Variants in NEDD9 observed in about 807,000 individuals in gnomAD.
NEDD9 encodes the protein enhancer of filamentation 1.
NEDD9 carries 26 observed loss-of-function variants against 76.6 expected under a neutral mutation model. The observed-to-expected ratio is 0.34, with a 90% confidence interval of 0.25 to 0.47. NEDD9 has a LOEUF of 0.47. NEDD9 is among the 20% of genes least tolerant of loss of function. NEDD9 has a pLI of 1.00. For missense variants in NEDD9, 937 were observed against 1,058.5 expected, an observed-to-expected ratio of 0.89 and a Z score of 1.59; for synonymous variants, 392 against 414.2, an observed-to-expected ratio of 0.95 and a Z score of 0.65.
chr6:11,187,938 T>C (rs1325070246), intron 6 of NEDD9, among the ~76,000 whole-genome samples: 1 of 152,236 alleles, frequency 6.6e-6, no homozygotes, highest in Non-Finnish European at 1.5e-5. Context: ...GTCTTGTTTC[T>C]TGAGACCAAA....
intron 2 of NEDD9, among the ~76,000 whole-genome samples, chr6:11,204,719 C>CAA (rs58621043): frequency 0.18 from 11,453 of 64,784 alleles, 1,190 homozygotes; most frequent in African/African-American, 0.23. Context: ...GGGTCCGTCT[C>CAA]AAAAAAAAAA....
At chr6:11,288,871 T>C (rs1760703814) in intron 3 of NEDD9, among the ~76,000 whole-genome samples, 2 of 152,238 alleles carry the variant, frequency 1.3e-5, no homozygotes, top group Admixed American at 1.3e-4. Flanking sequence ...CTCTTCTATT[T>C]TACAGACAGA....
intron 2 of NEDD9, among the ~76,000 whole-genome samples, chr6:11,325,443 G>T (rs1403878636): frequency 1.3e-5 from 2 of 151,982 alleles, no homozygotes; most frequent in Admixed American, 6.5e-5. Context: ...GTTCTGGTAA[G>T]AATGAAATAT....
chr6:11,330,260 A>G (rs1428578826), intron 2 of NEDD9, among the ~76,000 whole-genome samples: 2 of 151,900 alleles, frequency 1.3e-5, no homozygotes, highest in Non-Finnish European at 2.9e-5. Flanking sequence ...AAAGTTAGAC[A>G]CTCCTTCTTT....
intron 1 of NEDD9, among the ~76,000 whole-genome samples, chr6:11,360,762 A>T (rs1360343450): frequency 1.3e-5 from 2 of 152,124 alleles, no homozygotes; most frequent in Non-Finnish European, 2.9e-5. Context: ...TTTATAAATT[A>T]CCCAGTCTCA....
intron 1 of NEDD9, among the ~76,000 whole-genome samples, chr6:11,339,568 C>T (rs537180068): frequency 5.3e-5 from 8 of 152,206 alleles, no homozygotes; most frequent in Non-Finnish European, 1.2e-4. Flanking sequence ...TCCTGCCCCA[C>T]CAGATCATAT....
intron 2 of NEDD9, chr6:11,200,867 G>C: frequency 6.3e-7 from 1 of 1,589,128 alleles, no homozygotes; most frequent in Non-Finnish European, 8.6e-7. Context: ...AGGAGAAAAT[G>C]TGTTTTTCCA....
chr6:11,200,001 T>G, intron 2 of NEDD9: 3 of 185,900 alleles, frequency 1.6e-5, no homozygotes, highest in Admixed American at 5.8e-5. Flanking sequence ...GTGTCAAGAG[T>G]TCAAGGATAA....
intron 2 of NEDD9, among the ~76,000 whole-genome samples, chr6:11,320,510 C>T (rs1761772072): frequency 6.6e-6 from 1 of 152,212 alleles, no homozygotes; most frequent in Admixed American, 6.5e-5. Context: ...CAGGTGCATA[C>T]AGCCACTCAT....
At chr6:11,230,749 C>T (rs1359856052) in intron 1 of NEDD9, among the ~76,000 whole-genome samples, 2 of 152,204 alleles carry the variant, frequency 1.3e-5, no homozygotes, top group Non-Finnish European at 2.9e-5. Context: ...CATCATTTGG[C>T]AAGGTGTTCA....
chr6:11,336,512 T>C (rs1321787680), intron 1 of NEDD9, among the ~76,000 whole-genome samples: 1 of 152,158 alleles, frequency 6.6e-6, no homozygotes, highest in Non-Finnish European at 1.5e-5. Context: ...TGAATATGGA[T>C]ATAAAAGGTA....
intron 1 of NEDD9, among the ~76,000 whole-genome samples, chr6:11,353,050 C>T (rs1031097002): frequency 1.3e-5 from 2 of 152,264 alleles, no homozygotes; most frequent in African/African-American, 4.8e-5. Context: ...GCTAGGCTTT[C>T]GCCTCCATCT....
In NEDD9 at chr6:11,185,654, C is replaced by T. The variant is rs1204082738; in HGVS notation, c.2013G>A (p.Leu671=). ...CGGGCTTTGTAATCTCTTGTTCCAA[C>T]AGCTGGAACTGGCTCAGCTGCAAGG... The part of the protein sequence containing the change: ...LEHHQLSQFQ[L]LEQEITKPVE... The change falls in exon 7 of 7, where the codon CTG becomes CTA. Residue 671 remains leucine, a synonymous_variant. Coordinates refer to ENST00000379446, the MANE Select transcript of NEDD9 (RefSeq NM_006403.4). 4 of 1,614,200 alleles carry T rather than the reference C, an allele frequency of 2.5e-6. No homozygotes were observed. The South Asian group carries it at 4.4e-5, about 18-fold the overall frequency.
intron 3 of NEDD9, among the ~76,000 whole-genome samples, chr6:11,296,974 C>T (rs548409985): frequency 6.6e-6 from 1 of 152,322 alleles, no homozygotes; most frequent in South Asian, 2.1e-4. Context: ...GGCGGTCCAC[C>T]CACCTCGGCC....
At chr6:11,326,175 C>CA (rs1176819466) in intron 2 of NEDD9, among the ~76,000 whole-genome samples, 72 of 145,820 alleles carry the variant, frequency 4.9e-4, no homozygotes, top group African/African-American at 1.7e-3. Flanking sequence ...AAAAACAAAA[C>CA]AAAAAAAACC....
At position 11,191,002 on chromosome 6, in the gene NEDD9, C is replaced by G; in HGVS notation, c.867G>C (p.Pro289=). ...ACAGGCTCTGGTGCCTTCGAGCCACCGGTTCTGCAGCTCCTGGAATGTCAC... is the reference window on the plus strand; with the variant it reads ...ACAGGCTCTGGTGCCTTCGAGCCACGGGTTCTGCAGCTCCTGGAATGTCAC... ...YNCDIPGAAE[P]VARRHQSLSP... The change falls in exon 5 of 7, where the codon CCG becomes CCC. Residue 289 remains proline, a synonymous_variant. Coordinates refer to ENST00000379446, the MANE Select transcript of NEDD9 (RefSeq NM_006403.4). The G allele has an allele frequency of 1.2e-6, 2 of 1,613,906 alleles. No individual in the cohort carries two copies. Among genetic ancestry groups the G allele is most frequent in the Non-Finnish European group, 1.7e-6 (2 of 1,180,002 alleles).
chr6:11,366,325 G>A (rs1450958372), intron 1 of NEDD9, among the ~76,000 whole-genome samples: 1 of 97,828 alleles, frequency 1.0e-5, no homozygotes, highest in Non-Finnish European at 2.0e-5. Context: ...AAGAAAGAAA[G>A]GAGAAAGACA....
chr6:11,323,247 G>T (rs569241259), intron 2 of NEDD9, among the ~76,000 whole-genome samples: 4 of 152,370 alleles, frequency 2.6e-5, no homozygotes, highest in African/African-American at 9.6e-5. Flanking sequence ...AGAGCAAGGA[G>T]ACTTGCCCAC....
intron 3 of NEDD9, chr6:11,249,194 C>T (rs1319780989): frequency 2.2e-6 from 1 of 455,834 alleles, no homozygotes; most frequent in South Asian, 1.5e-5. Flanking sequence ...GTTGGTGGGC[C>T]TCATCCAATC....
Sources: gnomAD v4.1 joint callset for allele counts (sites outside exome capture counted in the v4.1 genomes callset) on GRCh38, gnomAD v4.1.1 for gene constraint, MANE v1.5 for transcripts, NCBI Gene and HGNC (gene_info 2026-07-23, HGNC 2026-07-21) for gene names.